KLC1: variants seen among roughly 807,000 people sequenced by gnomAD.
The protein encoded by KLC1 is kinesin 2 60/70kDa.
In KLC1, 30 loss-of-function variants were observed where a neutral mutation model predicts 84.2. The observed-to-expected ratio is 0.36, with a 90% confidence interval of 0.27 to 0.48. The LOEUF (loss-of-function observed/expected upper bound fraction) is 0.48. KLC1 is among the 20% of genes least tolerant of loss of function. The pLI is 0.99. For missense variants in KLC1, 499 were observed against 805.4 expected (o/e 0.62, Z 4.60); for synonymous variants, 289 against 293.3 (o/e 0.99, Z 0.15).
At chr14:103,688,004 T>C (rs1222684659) in intron 14 of KLC1, 1 of 152,234 alleles carries the variant, frequency 6.6e-6, no homozygotes, top group Non-Finnish European at 1.5e-5. Context: ...GACTGATTCC[T>C]AGTAAAACTA....
At position 103,679,473 on chromosome 14, in the gene KLC1, C is replaced by T. The variant is rs149675489; in HGVS notation, c.1578C>T (p.Asn526=). 1.0e-4 allele frequency: 163 copies of T among 1,614,022 alleles called. No individual in the cohort carries two copies. The highest frequency in any genetic ancestry group is 1.3e-4 in the Non-Finnish European group (154 of 1,180,038). The change falls in exon 13 of 17, where the codon AAC becomes AAT. Residue 526 remains asparagine, a synonymous_variant. Coordinates refer to ENST00000334553, the MANE Select transcript of KLC1 (RefSeq NM_001394837.1). ...MEKRRSRESL[N]VDVVKYESGP... ...AGCGCAGGAGCCGTGAGAGCCTCAA[C>T]GTGGACGTGGTCAAGTACGAGAGTG...
At chr14:103,635,367 G>T (rs1427198704) in intron 1 of KLC1, among the ~76,000 whole-genome samples, 1 of 152,186 alleles carries the variant, frequency 6.6e-6, no homozygotes, top group East Asian at 1.9e-4. Flanking sequence ...ATATGTGTCT[G>T]TAGTTTCAGT....
intron 13 of KLC1, among the ~76,000 whole-genome samples, chr14:103,681,754 CT>C (rs1040167314): frequency 4.6e-5 from 7 of 152,068 alleles, no homozygotes; most frequent in Non-Finnish European, 5.9e-5. Flanking sequence ...ACCGACTTTT[CT>C]TATTTTTTAA....
intron 14 of KLC1, among the ~76,000 whole-genome samples, chr14:103,688,440 C>T (rs987103206): frequency 6.6e-6 from 1 of 152,082 alleles, no homozygotes; most frequent in Non-Finnish European, 1.5e-5. Context: ...TGTGAGCCAC[C>T]GTGCCTGGCC....
chr14:103,699,611 G>A, intron 15 of KLC1: 1 of 1,606,978 alleles, frequency 6.2e-7, no homozygotes, highest in Non-Finnish European at 8.5e-7. Context: ...ATGCTGGTCA[G>A]CAAGTCCCCG....
Position 103,693,530 on chromosome 14 carries a change from T to C in KLC1, c.1848+1105T>C. 1 of 1,535,944 alleles carries C rather than the reference T, an allele frequency of 6.5e-7. No homozygotes were observed. The highest frequency in any genetic ancestry group is 1.2e-5 in the South Asian group (1 of 84,044). On this transcript the variant is annotated intron_variant, in intron 15 of 16. Transcript: ENST00000334553. The surrounding 1 kb of genome is among the most constrained non-coding windows in gnomAD (Gnocchi z 5.1). ...TTTGAAGTCCTGGTTAAGTGTAATT[T>C]TTCTATTTGTTTTTTCATGCAGGAA...
intron 9 of KLC1, among the ~76,000 whole-genome samples, chr14:103,674,405 C>G (rs796713570): frequency 6.8e-5 from 10 of 146,412 alleles, no homozygotes; most frequent in African/African-American, 2.5e-4. Flanking sequence ...AATATTGATT[C>G]GTATGCTTGT....
intron 1 of KLC1, among the ~76,000 whole-genome samples, chr14:103,643,924 A>G (rs1426120594): frequency 1.4e-5 from 2 of 140,024 alleles, no homozygotes; most frequent in African/African-American, 2.7e-5. Context: ...CTGTTAAGAA[A>G]CCTAAAGTTG....
intron 14 of KLC1, among the ~76,000 whole-genome samples, chr14:103,689,794 C>T (rs147662289): frequency 1.3e-5 from 2 of 152,238 alleles, no homozygotes; most frequent in Non-Finnish European, 1.5e-5. Flanking sequence ...CAAGGCAGTT[C>T]GCAAGAGTGG....
chr14:103,652,727 G>A (rs1215285599), intron 1 of KLC1, among the ~76,000 whole-genome samples: 3 of 152,110 alleles, frequency 2.0e-5, no homozygotes, highest in African/African-American at 4.8e-5. Flanking sequence ...TCTTGACCTC[G>A]TGATCTGCCC....
rs200213277 is a variant in KLC1 at position 103,699,541 on chromosome 14, G to A, written c.1849-1114G>A. 6.9e-5 allele frequency: 112 copies of A among 1,613,462 alleles called. 1 individual carries two copies. The highest frequency in any genetic ancestry group is 1.6e-4 in the Middle Eastern group (1 of 6,062). ...GAGCCATGCCCCGAGACAGCAGTAC[G>A]GGGACCTTCTTATTCACACACTCCA... On this transcript the variant is annotated intron_variant, in intron 15 of 16. Coordinates refer to ENST00000334553, the MANE Select transcript of KLC1 (RefSeq NM_001394837.1).
chr14:103,670,339 G>GTTTTTT, intron 7 of KLC1, 56 bp downstream of exon 7: 5 of 845,870 alleles, frequency 5.9e-6, no homozygotes, highest in South Asian at 3.5e-5. Context: ...TGTGTGTGTG[G>GTTTTTT]TTTTTTTTTT....
At chr14:103,644,261 C>T (rs538379908) in intron 1 of KLC1, among the ~76,000 whole-genome samples, 57 of 145,210 alleles carry the variant, frequency 3.9e-4, no homozygotes, top group African/African-American at 1.2e-3. Context: ...ATTCTTTCTA[C>T]GTGACTTTTT....
At chr14:103,640,696 T>C (rs955423018) in intron 1 of KLC1, among the ~76,000 whole-genome samples, 1 of 151,740 alleles carries the variant, frequency 6.6e-6, no homozygotes, top group Non-Finnish European at 1.5e-5. Flanking sequence ...ATGTATACTT[T>C]TTTGGTTTTG....
rs144671509 is a variant in KLC1, at chr14:103,662,878, G to A, written c.748G>A (p.Asp250Asn). 9 of 1,613,534 alleles carry A rather than the reference G, an allele frequency of 5.6e-6. No homozygotes were observed. Among genetic ancestry groups the A allele is most frequent in the East Asian group, 2.2e-5 (1 of 44,870 alleles). ...GGACCTGGAGAAGACTTCAGGACACGACCACCCGGACGTGGCCACCATGCT... is the reference window on the plus strand; with the variant it reads ...GGACCTGGAGAAGACTTCAGGACACAACCACCCGGACGTGGCCACCATGCT... ...LEDLEKTSGH[D>N]HPDVATMLNI... Residue 250 changes from aspartate to asparagine, a missense_variant, in exon 5 of 17, where the codon GAC becomes AAC. Coordinates refer to ENST00000334553, the MANE Select transcript of KLC1 (RefSeq NM_001394837.1).
intron 3 of KLC1, among the ~76,000 whole-genome samples, chr14:103,658,375 C>T (rs1010192563): frequency 1.3e-5 from 2 of 151,754 alleles, no homozygotes; most frequent in Non-Finnish European, 2.9e-5. Context: ...ATTCTCCTGC[C>T]TCAGCCTCTG....
intron 1 of KLC1, among the ~76,000 whole-genome samples, chr14:103,640,902 T>C (rs1372661780): frequency 2.0e-5 from 3 of 151,972 alleles, no homozygotes; most frequent in Non-Finnish European, 4.4e-5. Flanking sequence ...GGAACCAACA[T>C]TGGTACCTTA....
rs750899275 is a variant in KLC1, at chr14:103,701,485, G to A, written c.*286G>A. 2.6e-4 allele frequency: 108 copies of A among 422,154 alleles called. No homozygotes were observed. The highest frequency in any genetic ancestry group is 4.2e-4 in the Non-Finnish European group (99 of 236,146). The allele number at this position is 422,154 out of a possible 1,614,324, so 26.2% of individuals were successfully genotyped here. On this transcript the variant is annotated 3_prime_UTR_variant, in exon 17 of 17. Transcript: ENST00000334553. ...CCCTTCCCATGTGTAACTTCCTCAC[G>A]TTGTGTGCGATAACGTATTTTATTG... is the stretch of plus-strand genomic sequence containing the variant.
intron 1 of KLC1, among the ~76,000 whole-genome samples, chr14:103,629,813 C>G (rs1370353956): frequency 6.6e-6 from 1 of 152,130 alleles, no homozygotes; most frequent in Admixed American, 6.5e-5. Context: ...CAGGGCCCCG[C>G]CCTGGCCCCG....
Sources: allele counts gnomAD v4.1 joint callset (sites outside exome capture counted in the v4.1 genomes callset), GRCh38; gene constraint gnomAD v4.1.1; non-coding constraint Gnocchi (gnomAD v3.1); transcripts MANE v1.5; gene names NCBI Gene and HGNC (gene_info 2026-07-23, HGNC 2026-07-21).